ZNF175: variants seen among roughly 807,000 people sequenced by gnomAD.
The protein encoded by ZNF175 is zinc finger protein 175.
Under a neutral mutation model 14.0 loss-of-function variants are expected in ZNF175, and 8 were observed. The ratio of observed to expected loss-of-function variants is 0.57; its 90% CI spans 0.34 to 1.03. The LOEUF (loss-of-function observed/expected upper bound fraction) is 1.03, where lower values mean the gene tolerates loss of function less well. Ranked by LOEUF, ZNF175 falls within the 50% of genes least tolerant of loss-of-function variation. The probability of loss-of-function intolerance (pLI) is 0.03; values close to 1 mark genes in which losing one functional copy is unlikely to be tolerated. For synonymous variants in ZNF175, 255 were observed against 296.8 expected (o/e 0.86, Z 1.45); for missense variants, 764 against 849.5 (o/e 0.90, Z 1.25).
chr19:51,577,857 G>GA (rs1210535676), intron 2 of ZNF175, among the ~76,000 whole-genome samples: 1 of 151,316 alleles, frequency 6.6e-6, no homozygotes, highest in Non-Finnish European at 1.5e-5. Flanking sequence ...TAGAGATGGG[G>GA]TTTCACCGTG....
intron 2 of ZNF175, among the ~76,000 whole-genome samples, chr19:51,577,881 T>A (rs773758571): frequency 2.6e-5 from 4 of 151,320 alleles, no homozygotes; most frequent in Non-Finnish European, 5.9e-5. Flanking sequence ...GCCAGGATGG[T>A]CTCAATCTCC....
chr19:51,579,820 A>G (rs1981935439), intron 2 of ZNF175, among the ~76,000 whole-genome samples: 2 of 152,152 alleles, frequency 1.3e-5, no homozygotes. Flanking sequence ...TATGGTAGCC[A>G]CTCACCACAT....
rs1360478396 is a variant in ZNF175, at chr19:51,590,016, A to G, written c.*1549A>G. 5.6e-6 allele frequency: 1 copy of G among 177,436 alleles called. No homozygotes were observed. Among genetic ancestry groups the G allele is most frequent in the Non-Finnish European group, 1.2e-5 (1 of 83,090 alleles). 11.0% of individuals were successfully genotyped at this position (177,436 alleles called of 1,614,324 possible). ...TTTTTCATTCTACAATCCATGATGGATTGTACACACGTGTATTCTATGAGG... is the reference window on the plus strand; with the variant it reads ...TTTTTCATTCTACAATCCATGATGGGTTGTACACACGTGTATTCTATGAGG... On this transcript the variant is annotated 3_prime_UTR_variant, in exon 5 of 5. Coordinates refer to ENST00000262259, the MANE Select transcript of ZNF175 (RefSeq NM_007147.4).
rs1042274891 is a variant in ZNF175, at chr19:51,581,374, G to A, written c.73-17G>A. On this transcript the variant is annotated splice_polypyrimidine_tract_variant and intron_variant, in intron 2 of 4. Coordinates refer to ENST00000262259, the MANE Select transcript of ZNF175 (RefSeq NM_007147.4). ...ATGATGACCTAATTCACAGTGAGCT[G>A]GGGTACACTGTTACAGGCATCAGTG... The A allele has an allele frequency of 6.2e-6, 10 of 1,614,176 alleles. No individual in the cohort carries two copies. The highest frequency in any genetic ancestry group is 8.5e-6 in the Non-Finnish European group (10 of 1,180,032).
At chr19:51,576,494 C>G (rs568121569) in intron 2 of ZNF175, among the ~76,000 whole-genome samples, 1 of 152,216 alleles carries the variant, frequency 6.6e-6, no homozygotes, top group African/African-American at 2.4e-5. Context: ...GGTACTGCTG[C>G]CATTATCCCC....
In ZNF175 at chr19:51,581,867, C is replaced by T; in HGVS notation, c.280C>T (p.His94Tyr). The change falls in exon 4 of 5, where the codon CAT becomes TAT. Residue 94 changes from histidine to tyrosine, a missense_variant. Coordinates refer to ENST00000262259, the MANE Select transcript of ZNF175 (RefSeq NM_007147.4). ...GCGTGTGGAGGAGGCTGAAGTCTCA[C>T]ATCAGAGGTGTCAAGGTGAGTAAGT... ...EPRVEEAEVS[H>Y]QRCQEREFGL... 6.2e-7 allele frequency: 1 copy of T among 1,613,754 alleles called. No homozygotes were observed. Among genetic ancestry groups the T allele is most frequent in the Non-Finnish European group, 8.5e-7 (1 of 1,179,780 alleles).
At position 51,588,105 on chromosome 19, in the gene ZNF175, TG is replaced by T. The variant is rs868140739; in HGVS notation, c.1775del (p.Cys592LeufsTer16). 1 of 1,614,204 alleles carries T rather than the reference TG, an allele frequency of 6.2e-7. No homozygotes were observed. The highest frequency in any genetic ancestry group is 1.3e-5 in the African/African-American group (1 of 75,066). On this transcript the variant is annotated frameshift_variant, in exon 5 of 5. Coordinates refer to ENST00000262259, the MANE Select transcript of ZNF175 (RefSeq NM_007147.4). LOFTEE classifies it low-confidence loss of function (END_TRUNC). ...TGAGAAACCCTATGTGTGCACTGAATGTGGGAAGGCCTTCAACGGCAGGTCA... is the reference window on the plus strand; with the variant it reads ...TGAGAAACCCTATGTGTGCACTGAATTGGGAAGGCCTTCAACGGCAGGTCA... ...TGEKPYVCTE[C>X]GKAFNGRSNF...
chr19:51,581,310 A>G (rs1981992457), intron 2 of ZNF175, 81 bp from the exon 3 acceptor site: 1 of 1,604,094 alleles, frequency 6.2e-7, no homozygotes, highest in African/African-American at 1.3e-5. Context: ...AAAATCATTA[A>G]AAGCATGTTC....
chr19:51,578,045 A>G (rs1048174339), intron 2 of ZNF175, among the ~76,000 whole-genome samples: 1 of 151,946 alleles, frequency 6.6e-6, no homozygotes, highest in African/African-American at 2.4e-5. Context: ...TTACCTCCCA[A>G]ACACTACCAC....
Position 51,573,268 on chromosome 19 carries a change from T to C in ZNF175, c.-62T>C, listed in dbSNP as rs988288448. On this transcript the variant is annotated 5_prime_UTR_variant, in exon 2 of 5. Coordinates refer to ENST00000262259, the MANE Select transcript of ZNF175 (RefSeq NM_007147.4). ...AAAATCCAAACACCTATCCAGCTTC[T>C]GGCTCCTGGGAAAAGTGGAGTTGTC... 2 of 1,570,754 alleles carry C rather than the reference T, an allele frequency of 1.3e-6. No individual in the cohort carries two copies. Among genetic ancestry groups the C allele is most frequent in the Admixed American group, 3.4e-5 (2 of 58,762 alleles).
In ZNF175 at chr19:51,581,824, G is replaced by T. The variant is rs1246996279; in HGVS notation, c.237G>T (p.Met79Ile). 3 of 1,613,972 alleles carry T rather than the reference G, an allele frequency of 1.9e-6. No homozygotes were observed. Among genetic ancestry groups the T allele is most frequent in the Non-Finnish European group, 1.7e-6 (2 of 1,179,906 alleles). The change falls in exon 4 of 5, where the codon ATG (methionine) becomes ATT (isoleucine). Residue 79 changes from methionine to isoleucine, a missense_variant. Coordinates refer to ENST00000262259, the MANE Select transcript of ZNF175 (RefSeq NM_007147.4). ...HIPNPEVIFR[M>I]LKEKEPRVEE... ...CCAACCCAGAGGTCATCTTCAGAAT[G>T]CTAAAAGAAAAGGAGCCGCGTGTGG...
At chr19:51,575,257 CGCAGGCTGGAGT>C (rs1981738974) in intron 2 of ZNF175, among the ~76,000 whole-genome samples, 2 of 130,162 alleles carry the variant, frequency 1.5e-5, no homozygotes, top group Non-Finnish European at 3.1e-5. Context: ...CGCTCTGAAG[CGCAGGCTGGAGT>C]GCAGTGGCGC....
chr19:51,587,247 C>G lies in ZNF175; in HGVS notation c.916C>G (p.Leu306Val). ...AQQRIHSVGN[L>V]HECGKCGKAF... ...ACAGAGAATTCATAGTGTAGGAAAC[C>G]TCCATGAATGTGGCAAATGTGGAAA... is the stretch of plus-strand genomic sequence containing the variant. The change falls in exon 5 of 5, where the codon CTC becomes GTC. Residue 306 changes from leucine (L) to valine (V), a missense_variant. Coordinates refer to ENST00000262259, the MANE Select transcript of ZNF175 (RefSeq NM_007147.4). The G allele has an allele frequency of 1.2e-6, 2 of 1,614,152 alleles. No homozygotes were observed. Among genetic ancestry groups the G allele is most frequent in the Non-Finnish European group, 1.7e-6 (2 of 1,180,016 alleles).
chr19:51,584,251 T>G (rs935907859), intron 4 of ZNF175, among the ~76,000 whole-genome samples: 1 of 152,142 alleles, frequency 6.6e-6, no homozygotes, highest in East Asian at 1.9e-4. Context: ...GGAGTGACAT[T>G]GGGAATTAAT....
At position 51,587,320 on chromosome 19, in the gene ZNF175, C is replaced by G. The variant is rs1384402599; in HGVS notation, c.989C>G (p.Thr330Arg). The change falls in exon 5 of 5, where the codon ACA becomes AGA. Residue 330 changes from threonine (T) to arginine (R), a missense_variant. Transcript: ENST00000262259. Reference protein sequence around the residue: ...LKLSVYLTDHTGDIPCICKEC... With the variant: ...LKLSVYLTDHRGDIPCICKEC... ...CTCAGTGTATATCTGACAGATCATA[C>G]AGGTGATATACCCTGTATATGCAAG... 1 of 1,614,142 alleles carries G rather than the reference C, an allele frequency of 6.2e-7. No homozygotes were observed. Among genetic ancestry groups the G allele is most frequent in the Non-Finnish European group, 8.5e-7 (1 of 1,180,026 alleles).
rs529114985 is a variant in ZNF175 at position 51,576,875 on chromosome 19, G to A, written c.72+3474G>A. Among the ~76,000 whole-genome samples the A allele has an allele frequency of 4.4e-3, 670 of 152,116 alleles. 8 individuals are homozygous for A. The highest frequency in any genetic ancestry group is 0.015 in the African/African-American group (630 of 41,498). ...GCATCCCCTAGGAGTTCTTGGGGAC[G>A]GTACACGGCAGTAAATCCTGTGAGA... is the stretch of plus-strand genomic sequence containing the variant. On this transcript the variant is annotated intron_variant, in intron 2 of 4. Transcript: ENST00000262259.
rs574841330 is a variant in ZNF175 at position 51,589,480 on chromosome 19, G to T, written c.*1013G>T. The T allele has an allele frequency of 1.6e-4, 113 of 685,776 alleles. No individual in the cohort carries two copies. The highest frequency in any genetic ancestry group is 2.8e-4 in the Non-Finnish European group (106 of 377,962). 42.5% of individuals were successfully genotyped at this position (685,776 alleles called of 1,614,324 possible). A position where few individuals can be genotyped will look rare whatever the true frequency, so the allele number is the denominator to read the frequency against. On this transcript the variant is annotated 3_prime_UTR_variant, in exon 5 of 5. Coordinates refer to ENST00000262259, the MANE Select transcript of ZNF175 (RefSeq NM_007147.4). ...TACATACACATGAATGTGCATTTTT[G>T]GTAAATGCATAAATGAGATTCTATA...
chr19:51,573,442 A>T, intron 2 of ZNF175, 41 bp downstream of exon 2: 1 of 1,603,832 alleles, frequency 6.2e-7, no homozygotes. Context: ...CCAGAACGTG[A>T]GGGCAGACAC....
intron 2 of ZNF175, among the ~76,000 whole-genome samples, chr19:51,577,859 T>G (rs1347120557): frequency 1.3e-5 from 2 of 151,158 alleles, no homozygotes; most frequent in Admixed American, 1.3e-4. Flanking sequence ...GAGATGGGGT[T>G]TCACCGTGTT....
Sources: gnomAD v4.1 joint callset for allele counts (sites outside exome capture counted in the v4.1 genomes callset) on GRCh38, gnomAD v4.1.1 for gene constraint, MANE v1.5 for transcripts, NCBI Gene and HGNC (gene_info 2026-07-23, HGNC 2026-07-21) for gene names.